Variants in ADAM10 observed in about 807,000 individuals in gnomAD.
ADAM10 encodes the protein disintegrin and metalloproteinase domain-containing protein 10.
Under a neutral mutation model 90.1 loss-of-function variants are expected in ADAM10, and 17 were observed. The ratio of observed to expected loss-of-function variants is 0.19; its 90% CI spans 0.13 to 0.28. ADAM10 has a LOEUF of 0.28. ADAM10 is among the 10% of genes least tolerant of loss of function. The pLI, the probability that ADAM10 is intolerant of heterozygous loss-of-function variation, is 1.00. For missense variants in ADAM10, 610 were observed against 914.3 expected, an observed-to-expected ratio of 0.67 and a Z score of 4.29; for synonymous variants, 310 against 298.6, an observed-to-expected ratio of 1.04 and a Z score of -0.40.
At position 58,645,194 on chromosome 15, in the gene ADAM10, T is replaced by C. The variant is rs1216621981; in HGVS notation, c.735+861A>G. On this transcript the variant is annotated intron_variant, in intron 6 of 15. Transcript: ENST00000260408. ...AAAGGTAGCCCACGCTGCCAAACACTGCTAATGAAATTCCTAACTGCTCAT... is the reference window on the plus strand; with the variant it reads ...AAAGGTAGCCCACGCTGCCAAACACCGCTAATGAAATTCCTAACTGCTCAT... 3.3e-5 allele frequency among the ~76,000 whole-genome samples: 5 copies of C among 152,378 alleles called. No homozygotes were observed. The East Asian group carries it at 7.7e-4, about 23-fold the overall frequency.
At chr15:58,632,415 T>C (rs1896128061) in intron 9 of ADAM10, among the ~76,000 whole-genome samples, 2 of 152,192 alleles carry the variant, frequency 1.3e-5, no homozygotes, top group African/African-American at 4.8e-5. Context: ...TCTTCACAAT[T>C]ATTGGCTCTG....
chr15:58,747,574 A>C (rs1899831929), intron 1 of ADAM10: 1 of 152,226 alleles, frequency 6.6e-6, no homozygotes, highest in Non-Finnish European at 1.5e-5. Context: ...CCATAGTTAC[A>C]ATAAAATTAC....
At chr15:58,629,132 G>T (rs1284122955) in intron 9 of ADAM10, 1 of 152,204 alleles carries the variant, frequency 6.6e-6, no homozygotes, top group African/African-American at 2.4e-5. Flanking sequence ...AACTCTTGAT[G>T]TCATCACAGA....
At chr15:58,695,544 C>T (rs1020893640) in intron 2 of ADAM10, among the ~76,000 whole-genome samples, 2 of 152,098 alleles carry the variant, frequency 1.3e-5, no homozygotes, top group Non-Finnish European at 2.9e-5. Flanking sequence ...ATTTATTATT[C>T]AGCAAAATTG....
chr15:58,715,974 C>G (rs953956540), intron 2 of ADAM10, among the ~76,000 whole-genome samples: 1 of 152,074 alleles, frequency 6.6e-6, no homozygotes, highest in African/African-American at 2.4e-5. Flanking sequence ...AACAGTAAGA[C>G]TAATGATTGC....
chr15:58,699,359 G>A (rs1461899384), intron 2 of ADAM10, among the ~76,000 whole-genome samples: 1 of 152,090 alleles, frequency 6.6e-6, no homozygotes, highest in Non-Finnish European at 1.5e-5. Context: ...GAAATATAAA[G>A]CTAACTGGTA....
At chr15:58,727,286 G>A (rs573502642) in intron 1 of ADAM10, among the ~76,000 whole-genome samples, 1 of 146,346 alleles carries the variant, frequency 6.8e-6, no homozygotes, top group Non-Finnish European at 1.5e-5. Context: ...TGCCTCCCAG[G>A]TTCAAGTGAT....
chr15:58,625,624 T>C (rs1344630250), intron 10 of ADAM10, among the ~76,000 whole-genome samples: 4 of 152,190 alleles, frequency 2.6e-5, no homozygotes, highest in Admixed American at 6.5e-5. Context: ...AACAAGCAAT[T>C]GCTATATGGT....
chr15:58,695,390 G>A (rs909637731), intron 2 of ADAM10, among the ~76,000 whole-genome samples: 8 of 152,138 alleles, frequency 5.3e-5, no homozygotes, highest in Non-Finnish European at 8.8e-5. Context: ...TTTGCAAACT[G>A]ATAGGAAATT....
chr15:58,598,915 T>C (rs11638416), intron 15 of ADAM10, among the ~76,000 whole-genome samples: 3 of 152,174 alleles, frequency 2.0e-5, no homozygotes, highest in Non-Finnish European at 4.4e-5. Flanking sequence ...ATTTGATGAA[T>C]GAATCCTCTA....
intron 2 of ADAM10, among the ~76,000 whole-genome samples, chr15:58,710,635 C>T (rs373041397): frequency 5.9e-5 from 9 of 152,270 alleles, no homozygotes; most frequent in South Asian, 2.1e-4. Flanking sequence ...ATACCTGACA[C>T]GAAGTAGGTA....
At position 58,639,654 on chromosome 15, in the gene ADAM10, A is replaced by C. The variant is rs563174321; in HGVS notation, c.1012+1123T>G. Among the ~76,000 whole-genome samples the C allele has an allele frequency of 5.3e-5, 8 of 152,330 alleles. No homozygotes were observed. In the East Asian group the frequency reaches 1.5e-3, roughly 29 times the overall value. The stretch of plus-strand genomic sequence containing the variant: ...AATATGCAGCCCATGACATAAACTT[A>C]TACTTTAAAATGACATCATGAAATT... On this transcript the variant is annotated intron_variant, in intron 8 of 15. Coordinates refer to ENST00000260408, the MANE Select transcript of ADAM10 (RefSeq NM_001110.4).
intron 8 of ADAM10, 139 bp from the exon 9 acceptor site, chr15:58,633,498 A>G: frequency 4.0e-6 from 3 of 745,606 alleles, no homozygotes; most frequent in Admixed American, 2.8e-5. Flanking sequence ...CACATATGCA[A>G]AAGTTTCTTT....
At chr15:58,600,938 A>G (rs1475484212) in intron 14 of ADAM10, among the ~76,000 whole-genome samples, 1 of 152,122 alleles carries the variant, frequency 6.6e-6, no homozygotes, top group Non-Finnish European at 1.5e-5. Flanking sequence ...CTACTTCTAC[A>G]CTGTTTAGTT....
intron 2 of ADAM10, among the ~76,000 whole-genome samples, chr15:58,698,081 C>T (rs1008405092): frequency 2.0e-5 from 3 of 151,814 alleles, no homozygotes; most frequent in African/African-American, 7.3e-5. Flanking sequence ...ATACCATATG[C>T]GCAATAAGGA....
At chr15:58,685,400 T>C (rs1490747515) in intron 2 of ADAM10, among the ~76,000 whole-genome samples, 2 of 150,990 alleles carry the variant, frequency 1.3e-5, no homozygotes, top group African/African-American at 4.9e-5. Context: ...GAGGCAGAGC[T>C]TGCAGTGAGC....
intron 2 of ADAM10, among the ~76,000 whole-genome samples, chr15:58,713,614 C>T (rs12905110): frequency 0.28 from 42,360 of 151,994 alleles, 8,501 homozygotes; most frequent in African/African-American, 0.57. Context: ...TTCTGAAACT[C>T]AGAAAACTGA....
At chr15:58,599,803 A>G (rs1278631271) in intron 14 of ADAM10, 79 bp from the exon 15 acceptor site, 2 of 1,407,594 alleles carry the variant, frequency 1.4e-6, no homozygotes, top group Non-Finnish European at 2.0e-6. Context: ...TATATAAAAC[A>G]TAGAATAGAA....
chr15:58,736,516 T>C lies in ADAM10; in HGVS notation c.55+12964A>G, dbSNP rs1595668677. Among the ~76,000 whole-genome samples the C allele has an allele frequency of 2.0e-5, 3 of 152,230 alleles. No individual in the cohort carries two copies. In the South Asian group the frequency reaches 6.2e-4, roughly 32 times the overall value. On this transcript the variant is annotated intron_variant, in intron 1 of 15. Coordinates refer to ENST00000260408, the MANE Select transcript of ADAM10 (RefSeq NM_001110.4). ...TCCACACTTAAGAAAAAAATCTCCT[T>C]AGTTATGTAGCAGAATGTCCTTACT...
Sources: allele counts gnomAD v4.1 joint callset (sites outside exome capture counted in the v4.1 genomes callset), GRCh38; gene constraint gnomAD v4.1.1; transcripts MANE v1.5; gene names NCBI Gene and HGNC (gene_info 2026-07-23, HGNC 2026-07-21).